Variants in MS4A7 observed in about 807,000 individuals in gnomAD.
The protein encoded by MS4A7 is membrane spanning 4-domains A7.
Under a neutral mutation model 23.5 loss-of-function variants are expected in MS4A7, and 21 were observed. The observed-to-expected ratio is 0.89, with a 90% CI of 0.63 to 1.29. The LOEUF (loss-of-function observed/expected upper bound fraction) is 1.29. Ranked by LOEUF, MS4A7 falls within the 50% of genes most tolerant of loss-of-function variation. MS4A7 has a pLI of 0.00. For missense variants in MS4A7, 263 were observed against 274.2 expected (o/e 0.96, Z 0.29); for synonymous variants, 111 against 107.4 (o/e 1.03, Z -0.21).
chr11:60,383,136 A>G lies in MS4A7; in HGVS notation c.-6A>G, dbSNP rs2085447675. The G allele has an allele frequency of 3.1e-6, 5 of 1,612,234 alleles. No individual in the cohort carries two copies. Among genetic ancestry groups the G allele is most frequent in the African/African-American group, 2.7e-5 (2 of 74,962 alleles). ...TTTTGATGCCTCTTCCAGCATCATC[A>G]GCATCATGCTATTACAATCCCAAAC... On this transcript the variant is annotated 5_prime_UTR_variant, in exon 2 of 7. Transcript: ENST00000300184.
Position 60,389,601 on chromosome 11 carries a change from G to A in MS4A7, c.546+5G>A, listed in dbSNP as rs769129588. 6.2e-7 allele frequency: 1 copy of A among 1,609,980 alleles called. No individual in the cohort carries two copies. Among genetic ancestry groups the A allele is most frequent in the South Asian group, 1.1e-5 (1 of 91,008 alleles). On this transcript the variant is annotated splice_donor_5th_base_variant and intron_variant, in intron 5 of 6. Transcript: ENST00000300184. Reference sequence around the variant, plus strand: ...CTGACCAGTGTCAGTTTAACAGTGAGTAGTTTCAGACTGAATATCCTGTCA... The same window carrying A: ...CTGACCAGTGTCAGTTTAACAGTGAATAGTTTCAGACTGAATATCCTGTCA...
In MS4A7 at chr11:60,393,977, A is replaced by G. The variant is rs74843156; in HGVS notation, c.*116A>G. 6.9e-6 allele frequency: 4 copies of G among 579,476 alleles called. No homozygotes were observed. The highest frequency in any genetic ancestry group is 1.9e-5 in the African/African-American group (1 of 51,630). 35.9% of individuals were successfully genotyped at this position (579,476 alleles called of 1,614,324 possible). ...CTGTGAAACAAACTAAAAAAAAAAAAGCTTTTGTTTTGTATTTGTTTACTA... is the reference window on the plus strand; with the variant it reads ...CTGTGAAACAAACTAAAAAAAAAAAGGCTTTTGTTTTGTATTTGTTTACTA... On this transcript the variant is annotated 3_prime_UTR_variant, in exon 7 of 7. Coordinates refer to ENST00000300184, the MANE Select transcript of MS4A7 (RefSeq NM_021201.5).
intron 4 of MS4A7, 99 bp from the exon 5 acceptor site, chr11:60,389,287 GAAAC>G (rs1199131020): frequency 5.6e-6 from 5 of 900,236 alleles, no homozygotes; most frequent in Non-Finnish European, 8.4e-6. Flanking sequence ...AAACAGGAAG[GAAAC>G]AGACCCAAGG....
At position 60,385,240 on chromosome 11, in the gene MS4A7, T is replaced by A. The variant is rs757864887; in HGVS notation, c.282+18T>A. 6 of 1,613,644 alleles carry A rather than the reference T, an allele frequency of 3.7e-6. No individual in the cohort carries two copies. The highest frequency in any genetic ancestry group is 5.1e-6 in the Non-Finnish European group (6 of 1,179,772). ...CTCTGTGTGTGAGTAGAATGGGGACTCTAAGAGGGGACATGCTTTATAAAT... is the reference window on the plus strand; with the variant it reads ...CTCTGTGTGTGAGTAGAATGGGGACACTAAGAGGGGACATGCTTTATAAAT... On this transcript the variant is annotated intron_variant, in intron 3 of 6. Transcript: ENST00000300184.
In MS4A7 at chr11:60,392,781, CCTGGGGTGAGTATG is replaced by C. The variant is rs779263559; in HGVS notation, c.647_648+12del. 10 of 1,609,750 alleles carry C rather than the reference CCTGGGGTGAGTATG, an allele frequency of 6.2e-6. 1 individual carries two copies. Among genetic ancestry groups the C allele is most frequent in the Non-Finnish European group, 6.8e-6 (8 of 1,176,154 alleles). On this transcript the variant is annotated splice_donor_variant and splice_donor_5th_base_variant and coding_sequence_variant and intron_variant, in exon 6 of 7. Transcript: ENST00000300184. LOFTEE classifies it high-confidence loss of function. ...GTGGAAACAGCTCTACTCCAACAACCCTGGGGTGAGTATGCTGACATGTCGCCTGATACCTGCTG... is the reference window on the plus strand; with the variant it reads ...GTGGAAACAGCTCTACTCCAACAACCCTGACATGTCGCCTGATACCTGCTG...
chr11:60,383,932 T>G (rs933430225), intron 2 of MS4A7, among the ~76,000 whole-genome samples: 4 of 152,224 alleles, frequency 2.6e-5, no homozygotes, highest in Non-Finnish European at 5.9e-5. Flanking sequence ...AACTTTGAGC[T>G]TATTTTTCAA....
intron 4 of MS4A7, among the ~76,000 whole-genome samples, chr11:60,387,977 G>A: frequency 6.6e-6 from 1 of 152,238 alleles, no homozygotes; most frequent in Non-Finnish European, 1.5e-5. Context: ...GCCAGGCTCT[G>A]TGCGAGGTTT....
rs2289616 is a variant in MS4A7 at position 60,389,334 on chromosome 11, A to C, written c.340-56A>C. ...ATTGCAGTACAATGGACAGAGGACTAATAGTGTCACGTGCTGATTCTGTGA... is the reference window on the plus strand; with the variant it reads ...ATTGCAGTACAATGGACAGAGGACTCATAGTGTCACGTGCTGATTCTGTGA... On this transcript the variant is annotated intron_variant, in intron 4 of 6. Transcript: ENST00000300184. The C allele has an allele frequency of 7.1e-4, 1,012 of 1,430,098 alleles. 11 individuals are homozygous for C. In the Admixed American group the frequency reaches 0.017, roughly 24 times the overall value. 88.6% of individuals were successfully genotyped at this position (1,430,098 alleles called of 1,614,324 possible).
intron 2 of MS4A7, among the ~76,000 whole-genome samples, chr11:60,384,231 G>A (rs2085460599): frequency 6.6e-6 from 1 of 152,176 alleles, no homozygotes; most frequent in Admixed American, 6.5e-5. Context: ...ATTATCCAGT[G>A]GGATTCCTTT....
In MS4A7 at chr11:60,385,183, C is replaced by A. The variant is rs779436103; in HGVS notation, c.243C>A (p.Thr81=). The A allele has an allele frequency of 6.2e-7, 1 of 1,614,118 alleles. No individual in the cohort carries two copies. The highest frequency in any genetic ancestry group is 8.5e-7 in the Non-Finnish European group (1 of 1,180,008). The change falls in exon 3 of 7, where the codon ACC becomes ACA. Residue 81 remains threonine (T), a synonymous_variant. Transcript: ENST00000300184. The part of the protein sequence containing the change: ...YPSHFNPAIS[T]TLMSGYPFLG... ...CCCACTTCAATCCAGCAATTTCCACCACTTTGATGTCTGGGTACCCATTTT... is the reference window on the plus strand; with the variant it reads ...CCCACTTCAATCCAGCAATTTCCACAACTTTGATGTCTGGGTACCCATTTT...
intron 3 of MS4A7, among the ~76,000 whole-genome samples, chr11:60,386,164 C>T (rs2085484594): frequency 6.6e-6 from 1 of 152,222 alleles, no homozygotes; most frequent in Non-Finnish European, 1.5e-5. Context: ...CCAGCTGGAT[C>T]TTTAATACCA....
chr11:60,393,120 CA>C (rs879586947), intron 6 of MS4A7, among the ~76,000 whole-genome samples: 117 of 133,528 alleles, frequency 8.8e-4, no homozygotes, highest in Middle Eastern at 3.7e-3. Flanking sequence ...GACTCAGTCT[CA>C]AAAAAAAAAA....
chr11:60,385,777 G>A (rs1237438104), intron 3 of MS4A7, among the ~76,000 whole-genome samples: 1 of 152,136 alleles, frequency 6.6e-6, no homozygotes, highest in Non-Finnish European at 1.5e-5. Flanking sequence ...CATGAAAAAG[G>A]GCCCAGTAGA....
At chr11:60,385,244 A>G in intron 3 of MS4A7, 22 bp downstream of exon 3, 1 of 1,613,676 alleles carries the variant, frequency 6.2e-7, no homozygotes, top group Non-Finnish European at 8.5e-7. Flanking sequence ...GGGGACTCTA[A>G]GAGGGGACAT....
intron 5 of MS4A7, among the ~76,000 whole-genome samples, chr11:60,390,639 A>G (rs2135106489): frequency 6.6e-6 from 1 of 152,212 alleles, no homozygotes; most frequent in Middle Eastern, 3.4e-3. Flanking sequence ...TAGGACAGAC[A>G]TGTGGTAAAG....
intron 2 of MS4A7, among the ~76,000 whole-genome samples, chr11:60,384,643 A>T (rs1296620660): frequency 6.6e-6 from 1 of 152,248 alleles, no homozygotes. Context: ...TTGCGAAATA[A>T]TTATTATTAA....
intron 2 of MS4A7, 83 bp from the exon 3 acceptor site, chr11:60,385,005 C>T: frequency 7.6e-7 from 1 of 1,311,950 alleles, no homozygotes; most frequent in Non-Finnish European, 1.1e-6. Flanking sequence ...ATTTTATACT[C>T]TTTATACTTT....
In MS4A7 at chr11:60,393,801, G is replaced by T; in HGVS notation, c.663G>T (p.Ser221=). 6.2e-7 allele frequency: 1 copy of T among 1,608,996 alleles called. No homozygotes were observed. Among genetic ancestry groups the T allele is most frequent in the South Asian group, 1.1e-5 (1 of 90,086 alleles). ...YSNNPGSSFS[S]TQSQDHIQQV... is the part of the protein sequence containing the mutation. Reference sequence around the variant, plus strand: ...GTATTTTCTAGAGTTCATTTTCCTCGACCCAGTCACAAGATCATATCCAAC... The same window carrying T: ...GTATTTTCTAGAGTTCATTTTCCTCTACCCAGTCACAAGATCATATCCAAC... Residue 221 remains serine (S), a synonymous_variant, in exon 7 of 7, where the codon TCG becomes TCT. Transcript: ENST00000300184.
intron 5 of MS4A7, among the ~76,000 whole-genome samples, chr11:60,391,022 A>G (rs1440898359): frequency 1.3e-5 from 2 of 152,206 alleles, no homozygotes; most frequent in Non-Finnish European, 2.9e-5. Flanking sequence ...GGAAGTCTGA[A>G]TAGGAATATT....
Sources: gnomAD v4.1 joint callset for allele counts (sites outside exome capture counted in the v4.1 genomes callset) on GRCh38, gnomAD v4.1.1 for gene constraint, MANE v1.5 for transcripts, NCBI Gene and HGNC (gene_info 2026-07-23, HGNC 2026-07-21) for gene names.